Variants in RERE observed in about 807,000 individuals in gnomAD.
RERE encodes arginine-glutamic acid dipeptide repeats.
A neutral mutation model predicts 146.1 loss-of-function variants in RERE; 40 were observed. The observed-to-expected ratio is 0.27, with a 90% CI of 0.21 to 0.36. RERE has a LOEUF of 0.36. Among genes scored for constraint, RERE ranks in the 10% least tolerant of loss-of-function variants. The probability of loss-of-function intolerance (pLI) is 1.00; values close to 1 mark genes in which losing one functional copy is unlikely to be tolerated. For synonymous variants in RERE, 1,003 were observed against 866.0 expected, an observed-to-expected ratio of 1.16 and a Z score of -2.78; for missense variants, 1,933 against 2,138.7, an observed-to-expected ratio of 0.90 and a Z score of 1.90.
At chr1:8,754,862 C>A (rs1640606191) in intron 1 of RERE, among the ~76,000 whole-genome samples, 1 of 152,270 alleles carries the variant, frequency 6.6e-6, no homozygotes, top group African/African-American at 2.4e-5. Flanking sequence ...ATAGAAAGAT[C>A]TTCTTCAGAT....
At chr1:8,463,827 A>G (rs776452837) in intron 11 of RERE, among the ~76,000 whole-genome samples, 5 of 152,254 alleles carry the variant, frequency 3.3e-5, no homozygotes, top group Admixed American at 6.5e-5. Context: ...AGAAGCAGCC[A>G]TGGATTGCAA....
chr1:8,491,852 C>A (rs947427216), intron 10 of RERE, among the ~76,000 whole-genome samples: 3 of 152,226 alleles, frequency 2.0e-5, no homozygotes, highest in Admixed American at 6.5e-5. Flanking sequence ...AAATGCCTAA[C>A]CTTGTTTTAA....
chr1:8,494,719 A>G (rs994180345), intron 10 of RERE, among the ~76,000 whole-genome samples: 5 of 152,192 alleles, frequency 3.3e-5, no homozygotes, highest in Non-Finnish European at 5.9e-5. Flanking sequence ...AAAAATAAAA[A>G]ATAAATAAAA....
chr1:8,732,935 C>T (rs1413218310), intron 1 of RERE, among the ~76,000 whole-genome samples: 1 of 149,524 alleles, frequency 6.7e-6, no homozygotes, highest in Non-Finnish European at 1.5e-5. Flanking sequence ...CATTCTCCTG[C>T]CTCAGCCTCC....
chr1:8,739,318 T>C (rs1325873290), intron 1 of RERE, among the ~76,000 whole-genome samples: 3 of 152,124 alleles, frequency 2.0e-5, no homozygotes, highest in African/African-American at 7.2e-5. Flanking sequence ...CTGACAGAAC[T>C]TCAGGCAATC....
chr1:8,692,096 T>C (rs755369643), intron 1 of RERE, among the ~76,000 whole-genome samples: 1 of 152,208 alleles, frequency 6.6e-6, no homozygotes, highest in Non-Finnish European at 1.5e-5. Flanking sequence ...CTTAGCAGAA[T>C]GGGTTTATTT....
intron 1 of RERE, among the ~76,000 whole-genome samples, chr1:8,683,238 C>G (rs1639013542): frequency 1.3e-5 from 2 of 152,092 alleles, no homozygotes; most frequent in Admixed American, 6.6e-5. Flanking sequence ...TCCTAGGAAT[C>G]CTACAAGTCT....
intron 4 of RERE, among the ~76,000 whole-genome samples, chr1:8,606,423 T>C (rs1418150414): frequency 6.6e-6 from 1 of 152,136 alleles, no homozygotes; most frequent in African/African-American, 2.4e-5. Flanking sequence ...GTAGTACTAA[T>C]ATACATACTT....
rs886949881 is a variant in RERE, at chr1:8,529,791, G to C, written c.830+11423C>G. 2.6e-4 allele frequency among the ~76,000 whole-genome samples: 39 copies of C among 152,152 alleles called. 1 individual carries two copies. The highest frequency in any genetic ancestry group is 9.2e-4 in the African/African-American group (38 of 41,414). ...CCTCCTGGTCAGAGAATCTCAAGGA[G>C]TCTTGAAACCGAGCAGTTCCATAAT... On this transcript the variant is annotated intron_variant, in intron 7 of 22. Coordinates refer to ENST00000400908, the MANE Select transcript of RERE (RefSeq NM_001042681.2).
intron 1 of RERE, 146 bp from the exon 2 acceptor site, chr1:8,656,587 A>G (rs748293663): frequency 1.7e-5 from 6 of 353,262 alleles, no homozygotes; most frequent in Non-Finnish European, 3.0e-5. Flanking sequence ...GTTAAAATTT[A>G]AAAACTACAG....
At chr1:8,608,302 AGACCAGCCTGG>A (rs1646747110) in intron 4 of RERE, among the ~76,000 whole-genome samples, 1 of 152,200 alleles carries the variant, frequency 6.6e-6, no homozygotes. Flanking sequence ...CAGGAGTTCA[AGACCAGCCTGG>A]GCAACATAGG....
chr1:8,589,018 G>C (rs1646460279), intron 4 of RERE, among the ~76,000 whole-genome samples: 1 of 152,034 alleles, frequency 6.6e-6, no homozygotes, highest in Non-Finnish European at 1.5e-5. Flanking sequence ...CAGCTACTTG[G>C]GAGGATGAGG....
chr1:8,669,333 C>A (rs1479645057), intron 1 of RERE, among the ~76,000 whole-genome samples: 1 of 152,176 alleles, frequency 6.6e-6, no homozygotes, highest in Non-Finnish European at 1.5e-5. Flanking sequence ...GCCTTGCCCT[C>A]CAGCAATCCG....
chr1:8,595,066 C>A (rs1646538870), intron 4 of RERE, among the ~76,000 whole-genome samples: 1 of 150,886 alleles, frequency 6.6e-6, no homozygotes, highest in African/African-American at 2.4e-5. Context: ...AAGGCTGAGG[C>A]AGGAGGATCG....
At chr1:8,647,058 C>A (rs184561797) in intron 2 of RERE, among the ~76,000 whole-genome samples, 1 of 152,320 alleles carries the variant, frequency 6.6e-6, no homozygotes, top group East Asian at 1.9e-4. Flanking sequence ...AGCACACCAT[C>A]CTGGGCGACC....
chr1:8,780,941 G>A (rs998183779), intron 1 of RERE, among the ~76,000 whole-genome samples: 5 of 152,016 alleles, frequency 3.3e-5, no homozygotes, highest in African/African-American at 9.7e-5. Flanking sequence ...GAACCATGAG[G>A]CCAGGCGCGG....
At chr1:8,430,972 C>T (rs115711272) in intron 11 of RERE, among the ~76,000 whole-genome samples, 1 of 152,294 alleles carries the variant, frequency 6.6e-6, no homozygotes, top group African/African-American at 2.4e-5. Flanking sequence ...CATTAAAGTC[C>T]GTAGATGCCA....
intron 4 of RERE, among the ~76,000 whole-genome samples, chr1:8,568,418 C>T (rs1646177942): frequency 6.6e-6 from 1 of 152,234 alleles, no homozygotes; most frequent in African/African-American, 2.4e-5. Flanking sequence ...CCCTCAGAAA[C>T]TCATTCTGAA....
chr1:8,537,349 G>C (rs1645738730), intron 7 of RERE, among the ~76,000 whole-genome samples: 1 of 152,126 alleles, frequency 6.6e-6, no homozygotes, highest in African/African-American at 2.4e-5. Context: ...ATATATCACA[G>C]CATGTAACAC....
Sources: gnomAD v4.1 joint callset for allele counts (sites outside exome capture counted in the v4.1 genomes callset) on GRCh38, gnomAD v4.1.1 for gene constraint, MANE v1.5 for transcripts, NCBI Gene and HGNC (gene_info 2026-07-23, HGNC 2026-07-21) for gene names.